TRAF3IP3: variants seen among roughly 807,000 people sequenced by gnomAD.
TRAF3IP3 encodes the protein TRAF3 interacting protein 3, also known as TRAF3-interacting JNK-activating modulator.
Under a neutral mutation model 86.5 loss-of-function variants are expected in TRAF3IP3, and 64 were observed. The observed-to-expected ratio is 0.74, with a 90% confidence interval of 0.60 to 0.91. TRAF3IP3 has a LOEUF of 0.91. Among genes scored for constraint, TRAF3IP3 ranks in the 40% least tolerant of loss-of-function variants. The pLI is 0.00. For synonymous variants in TRAF3IP3, 220 were observed against 243.9 expected, an observed-to-expected ratio of 0.90 and a Z score of 0.91; for missense variants, 579 against 642.9, an observed-to-expected ratio of 0.90 and a Z score of 1.07.
chr1:209,777,209 T>A (rs1327119554), intron 11 of TRAF3IP3, 143 bp from the exon 12 acceptor site: 1 of 617,754 alleles, frequency 1.6e-6, no homozygotes, highest in African/African-American at 1.9e-5. Context: ...AAGAAAGACT[T>A]CTCTATTTTC....
chr1:209,764,468 G>A (rs963649396), intron 8 of TRAF3IP3, among the ~76,000 whole-genome samples: 2 of 152,166 alleles, frequency 1.3e-5, no homozygotes, highest in South Asian at 2.1e-4. Context: ...AAGGCCGGGG[G>A]TGGTGGCTCA....
At chr1:209,762,918 G>C (rs2077272296) in intron 5 of TRAF3IP3, 48 bp downstream of exon 5, 3 of 1,611,548 alleles carry the variant, frequency 1.9e-6, no homozygotes, top group Non-Finnish European at 2.5e-6. Context: ...TTCCTCTCTA[G>C]AGAGAACACA....
chr1:209,758,024 C>T (rs926261027), intron 1 of TRAF3IP3, among the ~76,000 whole-genome samples: 1 of 152,212 alleles, frequency 6.6e-6, no homozygotes, highest in Admixed American at 6.5e-5. Flanking sequence ...TTCTCCACTG[C>T]AATCCATGGC....
At chr1:209,759,770 G>C (rs947002617) in intron 2 of TRAF3IP3, among the ~76,000 whole-genome samples, 2 of 152,212 alleles carry the variant, frequency 1.3e-5, no homozygotes, top group African/African-American at 2.4e-5. Flanking sequence ...ATCGGCTAGA[G>C]AAAAGCAGGA....
At chr1:209,774,031 C>T (rs75326015) in intron 9 of TRAF3IP3, among the ~76,000 whole-genome samples, 3 of 152,156 alleles carry the variant, frequency 2.0e-5, no homozygotes, top group African/African-American at 7.2e-5. Context: ...AATTCCAAAG[C>T]TAAATGGAAA....
intron 8 of TRAF3IP3, among the ~76,000 whole-genome samples, chr1:209,765,203 GAGAGAGA>G (rs1256523922): frequency 3.6e-4 from 50 of 139,446 alleles, no homozygotes; most frequent in Non-Finnish European, 5.5e-4. Context: ...GAGAGAGAGA[GAGAGAGA>G]GAGGGAGAGA....
At chr1:209,775,807 C>G in intron 11 of TRAF3IP3, 71 bp downstream of exon 11, 1 of 1,475,178 alleles carries the variant, frequency 6.8e-7, no homozygotes, top group Non-Finnish European at 9.1e-7. Context: ...AGAAGCTGTT[C>G]TGGATTAGGG....
chr1:209,770,454 T>A (rs941477220), intron 8 of TRAF3IP3, among the ~76,000 whole-genome samples: 1 of 133,284 alleles, frequency 7.5e-6, no homozygotes, highest in Non-Finnish European at 1.6e-5. Flanking sequence ...TGGAGGTATG[T>A]GTGTGCATGT....
At position 209,779,365 on chromosome 1, in the gene TRAF3IP3, A is replaced by G; in HGVS notation, c.1303A>G (p.Thr435Ala). The change falls in exon 14 of 17, where the codon ACA becomes GCA. Residue 435 changes from threonine (T) to alanine (A), a missense_variant. Physicochemically the swap from Thr to Ala is moderately conservative, Grantham distance 58. Coordinates refer to ENST00000367025, the MANE Select transcript of TRAF3IP3 (RefSeq NM_025228.4). ...LQLQEQEKLL[T>A]KKDQALPVWS... ...GCTTCAAGAACAGGAGAAACTCTTA[A>G]CAAAGAAAGGTCAGCAAATTTATTA... 6.2e-7 allele frequency: 1 copy of G among 1,614,056 alleles called. No individual in the cohort carries two copies. Among genetic ancestry groups the G allele is most frequent in the Non-Finnish European group, 8.5e-7 (1 of 1,179,854 alleles).
In TRAF3IP3 at chr1:209,762,546, C is replaced by T; in HGVS notation, c.377C>T (p.Ala126Val). Residue 126 changes from alanine to valine, a missense_variant, in exon 4 of 17, where the codon GCC becomes GTC. Transcript: ENST00000367025. The part of the protein sequence containing the change: ...VTGTSSEVFP[A>V]QHPPPSGICR... Reference sequence around the variant, plus strand: ...GGCACCAGCTCTGAAGTCTTTCCAGCCCAGCATCCTCCTCCCTCAGGCATC... The same window carrying T: ...GGCACCAGCTCTGAAGTCTTTCCAGTCCAGCATCCTCCTCCCTCAGGCATC... 6.7e-7 allele frequency: 1 copy of T among 1,484,286 alleles called. No homozygotes were observed. The highest frequency in any genetic ancestry group is 1.4e-5 in the African/African-American group (1 of 69,002). The allele number at this position is 1,484,286 out of a possible 1,614,324, so 91.9% of individuals were successfully genotyped here. A position where few individuals can be genotyped will look rare whatever the true frequency, so the allele number is the denominator to read the frequency against.
chr1:209,778,347 ATG>A (rs1452831781), intron 13 of TRAF3IP3, 174 bp downstream of exon 13: 1 of 542,868 alleles, frequency 1.8e-6, no homozygotes, highest in Non-Finnish European at 3.3e-6. Context: ...TCCATAAATT[ATG>A]TGTTAGCCTC....
At chr1:209,773,115 G>A (rs565328951) in intron 9 of TRAF3IP3, 96 bp downstream of exon 9, 1 of 1,097,988 alleles carries the variant, frequency 9.1e-7, no homozygotes, top group South Asian at 1.5e-5. Flanking sequence ...AACACCACCA[G>A]ATAGAGAATA....
chr1:209,763,131 G>A, intron 6 of TRAF3IP3, 39 bp downstream of exon 6: 1 of 1,599,748 alleles, frequency 6.3e-7, no homozygotes, highest in Non-Finnish European at 8.6e-7. Flanking sequence ...AAATCAGAAA[G>A]TATTAAGCTC....
chr1:209,768,216 G>T (rs1015429726), intron 8 of TRAF3IP3: 1 of 985,326 alleles, frequency 1.0e-6, no homozygotes. Context: ...TCATAAATTT[G>T]AATTTCCAAC....
At chr1:209,771,958 G>T (rs1259479812) in intron 8 of TRAF3IP3, among the ~76,000 whole-genome samples, 1 of 135,324 alleles carries the variant, frequency 7.4e-6, no homozygotes, top group Non-Finnish European at 1.6e-5. Flanking sequence ...TGCATGTGAA[G>T]GTGTGTGTGT....
chr1:209,772,929 C>G lies in TRAF3IP3; in HGVS notation c.703-19C>G, dbSNP rs1571949676. The G allele has an allele frequency of 6.2e-7, 1 of 1,612,304 alleles. No homozygotes were observed. The highest frequency in any genetic ancestry group is 8.5e-7 in the Non-Finnish European group (1 of 1,178,680). ...CTAGATTTTGCCCCAAGCTCATTAACTCATCCCATTTGCTCCAGGGACAGC... is the reference window on the plus strand; with the variant it reads ...CTAGATTTTGCCCCAAGCTCATTAAGTCATCCCATTTGCTCCAGGGACAGC... On this transcript the variant is annotated intron_variant, in intron 8 of 16. Coordinates refer to ENST00000367025, the MANE Select transcript of TRAF3IP3 (RefSeq NM_025228.4).
At chr1:209,777,691 T>C (rs2077687264) in intron 12 of TRAF3IP3, 1 of 565,010 alleles carries the variant, frequency 1.8e-6, no homozygotes, top group Non-Finnish European at 3.0e-6. Flanking sequence ...CTGTAGTAGA[T>C]AGAGTATCTT....
chr1:209,770,391 G>A (rs549346831), intron 8 of TRAF3IP3, among the ~76,000 whole-genome samples: 1,887 of 151,672 alleles, frequency 0.012, 40 homozygotes, highest in African/African-American at 0.043. Flanking sequence ...ATGTGGAGGT[G>A]TGTGTGTGCA....
Position 209,778,098 on chromosome 1 carries a change from A to G in TRAF3IP3, c.1190-13A>G. On this transcript the variant is annotated splice_polypyrimidine_tract_variant and intron_variant, in intron 12 of 16. Coordinates refer to ENST00000367025, the MANE Select transcript of TRAF3IP3 (RefSeq NM_025228.4). The stretch of plus-strand genomic sequence containing the variant: ...GGGTTCCTTTATTTTGGCTTGCATT[A>G]TTGCATTTTCAGATCAACTAAAAAG... 6.2e-7 allele frequency: 1 copy of G among 1,613,496 alleles called. No homozygotes were observed. Among genetic ancestry groups the G allele is most frequent in the South Asian group, 1.1e-5 (1 of 91,020 alleles).
Sources: gnomAD v4.1 joint callset for allele counts (sites outside exome capture counted in the v4.1 genomes callset) on GRCh38, gnomAD v4.1.1 for gene constraint, MANE v1.5 for transcripts, NCBI Gene and HGNC (gene_info 2026-07-23, HGNC 2026-07-21) for gene names.